The following STK33 variants were observed in gnomAD, a reference collection of about 807,000 sequenced individuals.
The protein encoded by STK33 is serine/threonine-protein kinase 33.
A neutral mutation model predicts 58.0 loss-of-function variants in STK33; 52 were observed. The ratio of observed to expected loss-of-function variants is 0.90; its 90% CI spans 0.72 to 1.13. The LOEUF is 1.13. STK33 is among the 50% of genes most tolerant of loss of function. The pLI, the probability that STK33 is intolerant of heterozygous loss-of-function variation, is 0.00. For missense variants in STK33, 630 were observed against 604.2 expected (o/e 1.04, Z -0.45); for synonymous variants, 215 against 200.1 (o/e 1.07, Z -0.63).
chr11:8,489,618 T>C (rs1277922848), intron 1 of STK33, among the ~76,000 whole-genome samples: 1 of 152,178 alleles, frequency 6.6e-6, no homozygotes, highest in Non-Finnish European at 1.5e-5. Flanking sequence ...ACCATGATAA[T>C]AGCATTAATA....
chr11:8,361,974 G>A, the STK33 span, among the ~76,000 whole-genome samples: 1 of 152,326 alleles, frequency 6.6e-6, no homozygotes, highest in South Asian at 2.1e-4. The surrounding 1 kb of genome is among the most constrained non-coding windows in gnomAD (Gnocchi z 4.8). Context: ...TCCCCAGGAC[G>A]GTTCAGTATC....
chr11:8,497,157 A>G (rs1252087625), intron 1 of STK33, among the ~76,000 whole-genome samples: 2 of 152,174 alleles, frequency 1.3e-5, no homozygotes, highest in Non-Finnish European at 1.5e-5. Context: ...CAAGGGAGAG[A>G]AGAAACATAA....
At chr11:8,403,088 A>C (rs759835441) in intron 15 of STK33, among the ~76,000 whole-genome samples, 1 of 152,178 alleles carries the variant, frequency 6.6e-6, no homozygotes, top group Non-Finnish European at 1.5e-5. Context: ...GAATTTCAAC[A>C]CTTAGTTCTA....
Position 8,400,333 on chromosome 11 carries a change from G to A in STK33, c.1345-7623C>T, listed in dbSNP as rs1017355134. ...GTTCAACATACGCAAATCAATAAAC[G>A]TAATCCAGCATATAAACAGAACCAA... On this transcript the variant is annotated intron_variant, in intron 15 of 15. Transcript: ENST00000687296. 1.4e-3 allele frequency among the ~76,000 whole-genome samples: 219 copies of A among 152,252 alleles called. 2 individuals are homozygous for A. Among genetic ancestry groups the A allele is most frequent in the African/African-American group, 5.1e-3 (213 of 41,546 alleles).
the STK33 span, among the ~76,000 whole-genome samples, chr11:8,341,605 C>T: frequency 3.3e-5 from 5 of 152,198 alleles, no homozygotes; most frequent in South Asian, 2.1e-4. Flanking sequence ...GCTGGAAAAA[C>T]GGGGCATTTA....
intron 1 of STK33, among the ~76,000 whole-genome samples, chr11:8,587,791 G>A (rs934016929): frequency 2.6e-5 from 4 of 151,960 alleles, no homozygotes; most frequent in African/African-American, 9.7e-5. Flanking sequence ...TTACAATCCT[G>A]AAAAAAAGAT....
intron 11 of STK33, among the ~76,000 whole-genome samples, chr11:8,447,817 T>C (rs927185966): frequency 1.3e-5 from 2 of 152,054 alleles, no homozygotes; most frequent in African/African-American, 2.4e-5. Flanking sequence ...AAATAAAGGG[T>C]ATTCAATTAG....
At chr11:8,358,374 G>A in the STK33 span, among the ~76,000 whole-genome samples, 4 of 152,328 alleles carry the variant, frequency 2.6e-5, no homozygotes, top group South Asian at 2.1e-4. Flanking sequence ...AGCTCAGTCC[G>A]CCTCCAATGC....
At chr11:8,517,409 T>C (rs184154322) in intron 1 of STK33, among the ~76,000 whole-genome samples, 3 of 152,336 alleles carry the variant, frequency 2.0e-5, no homozygotes, top group Admixed American at 6.5e-5. Context: ...CTGAAAATTC[T>C]AAAAATCAGA....
At chr11:8,537,442 A>AT (rs1333880321) in intron 1 of STK33, among the ~76,000 whole-genome samples, 3 of 152,074 alleles carry the variant, frequency 2.0e-5, no homozygotes, top group African/African-American at 7.2e-5. Context: ...TCACTGAAGC[A>AT]TTTTTTACCA....
intron 14 of STK33, among the ~76,000 whole-genome samples, chr11:8,417,219 T>C (rs1219130026): frequency 6.6e-6 from 1 of 152,174 alleles, no homozygotes; most frequent in Non-Finnish European, 1.5e-5. Flanking sequence ...AGCAATAGTT[T>C]GATCATCTGA....
chr11:8,572,260 TC>T (rs1455765735), intron 1 of STK33, among the ~76,000 whole-genome samples: 1 of 152,046 alleles, frequency 6.6e-6, no homozygotes, highest in African/African-American at 2.4e-5. Flanking sequence ...AAGGGTTTCA[TC>T]TTGACAACAG....
At chr11:8,556,740 C>G (rs74934305) in intron 1 of STK33, among the ~76,000 whole-genome samples, 1 of 152,088 alleles carries the variant, frequency 6.6e-6, no homozygotes, top group Admixed American at 6.6e-5. Context: ...ATTTCCCCCA[C>G]TAGACTGTGA....
At chr11:8,523,983 C>G (rs1395654980) in intron 1 of STK33, among the ~76,000 whole-genome samples, 1 of 152,236 alleles carries the variant, frequency 6.6e-6, no homozygotes, top group African/African-American at 2.4e-5. Flanking sequence ...AAAAATTCTT[C>G]TGCCTTGGGA....
At chr11:8,410,158 T>C (rs1021001354) in intron 15 of STK33, among the ~76,000 whole-genome samples, 1 of 152,200 alleles carries the variant, frequency 6.6e-6, no homozygotes, top group African/African-American at 2.4e-5. Context: ...AAAATTTTTA[T>C]CCCACTCACT....
intron 1 of STK33, among the ~76,000 whole-genome samples, chr11:8,490,831 C>T (rs1950556004): frequency 6.6e-6 from 1 of 152,168 alleles, no homozygotes; most frequent in South Asian, 2.1e-4. Flanking sequence ...AACTCCAACA[C>T]ACCTGCAGCT....
At chr11:8,544,446 ATGAT>A (rs1480091703) in intron 1 of STK33, among the ~76,000 whole-genome samples, 1 of 150,664 alleles carries the variant, frequency 6.6e-6, no homozygotes, top group Non-Finnish European at 1.5e-5. Context: ...TAGAAGAATA[ATGAT>A]TGTTTCTCTA....
chr11:8,345,489 G>A, the STK33 span, among the ~76,000 whole-genome samples: 8 of 152,302 alleles, frequency 5.3e-5, no homozygotes, highest in South Asian at 2.1e-4. Context: ...GAAAGCACAC[G>A]GATCTTCACG....
At chr11:8,439,115 T>C (rs1252134731) in intron 12 of STK33, among the ~76,000 whole-genome samples, 1 of 152,146 alleles carries the variant, frequency 6.6e-6, no homozygotes, top group Non-Finnish European at 1.5e-5. Context: ...CATAAAAATG[T>C]TCACATTCAG....
Sources: gnomAD v4.1 joint callset for allele counts (sites outside exome capture counted in the v4.1 genomes callset) on GRCh38, gnomAD v4.1.1 for gene constraint, Gnocchi (gnomAD v3.1) non-coding constraint, MANE v1.5 for transcripts, NCBI Gene and HGNC (gene_info 2026-07-23, HGNC 2026-07-21) for gene names.